Variants in CMIP observed in about 807,000 individuals in gnomAD.
CMIP encodes the protein C-Maf-inducing protein.
Under a neutral mutation model 97.3 loss-of-function variants are expected in CMIP, and 13 were observed. That is an observed-to-expected ratio of 0.13 (90% confidence interval 0.09 to 0.21). The LOEUF is 0.21. Among genes scored for constraint, CMIP ranks in the 10% least tolerant of loss-of-function variants. CMIP has a pLI of 1.00. For missense variants in CMIP, 847 were observed against 1,024.9 expected (o/e 0.83, Z 2.37); for synonymous variants, 538 against 436.3 (o/e 1.23, Z -2.91).
intron 7 of CMIP, chr16:81,665,994 G>C (rs2092598990): frequency 6.6e-6 from 1 of 152,140 alleles, no homozygotes; most frequent in Admixed American, 6.5e-5. Flanking sequence ...TCCTAGATTT[G>C]GGGTAAATTC....
chr16:81,562,410 C>A (rs921533416), intron 1 of CMIP, among the ~76,000 whole-genome samples: 2 of 152,248 alleles, frequency 1.3e-5, no homozygotes, highest in African/African-American at 4.8e-5. Flanking sequence ...ATCCCAGAAA[C>A]CACTGGCAAG....
chr16:81,593,758 C>A (rs114979319), intron 1 of CMIP, among the ~76,000 whole-genome samples: 2,435 of 152,272 alleles, frequency 0.016, 55 homozygotes, highest in African/African-American at 0.056. Flanking sequence ...TCTGCTTTCT[C>A]ACAGCTACAC....
At position 81,453,545 on chromosome 16, in the gene CMIP, C is replaced by T. The variant is rs548099853; in HGVS notation, c.300+8004C>T. The stretch of plus-strand genomic sequence containing the variant: ...AGACCCAGGCCTGGCTCTCCTCCCT[C>T]GCATGTTGGCTCCCTGTGTGGACTA... On this transcript the variant is annotated intron_variant, in intron 1 of 20. Transcript: ENST00000537098. The surrounding 1 kb of genome is among the most constrained non-coding windows in gnomAD (Gnocchi z 4.0). Among the ~76,000 whole-genome samples the T allele has an allele frequency of 5.3e-5, 8 of 152,326 alleles. No individual in the cohort carries two copies. Among genetic ancestry groups the T allele is most frequent in the South Asian group, 4.1e-4 (2 of 4,830 alleles).
intron 1 of CMIP, among the ~76,000 whole-genome samples, chr16:81,476,937 A>G (rs1597461118): frequency 1.3e-5 from 2 of 151,802 alleles, no homozygotes; most frequent in South Asian, 4.2e-4. Flanking sequence ...GAATGAAAAG[A>G]CCCCAGCCCC....
At position 81,556,606 on chromosome 16, in the gene CMIP, C is replaced by T. The variant is rs937604760; in HGVS notation, c.301-50961C>T. ...AACCACAGGTAGAAGGAAGGGGAGCCGGGAGTTGGTGTTCGATGGGGACAG... is the reference window on the plus strand; with the variant it reads ...AACCACAGGTAGAAGGAAGGGGAGCTGGGAGTTGGTGTTCGATGGGGACAG... On this transcript the variant is annotated intron_variant, in intron 1 of 20. Coordinates refer to ENST00000537098, the MANE Select transcript of CMIP (RefSeq NM_198390.3). 1.3e-4 allele frequency among the ~76,000 whole-genome samples: 20 copies of T among 152,156 alleles called. 1 individual carries two copies. Among genetic ancestry groups the T allele is most frequent in the Admixed American group, 9.2e-4 (14 of 15,286 alleles).
intron 3 of CMIP, among the ~76,000 whole-genome samples, chr16:81,639,824 G>A (rs2092282301): frequency 6.6e-6 from 1 of 152,168 alleles, no homozygotes. Context: ...CTCCGTTATT[G>A]GAATTCTAAG....
chr16:81,561,481 G>A (rs982758248), intron 1 of CMIP, among the ~76,000 whole-genome samples: 1 of 152,176 alleles, frequency 6.6e-6, no homozygotes, highest in Non-Finnish European at 1.5e-5. Flanking sequence ...CCCTGCAGCA[G>A]GAGTGAGGCT....
Position 81,541,386 on chromosome 16 carries a change from G to A in CMIP, c.301-66181G>A, listed in dbSNP as rs762208910. Reference sequence around the variant, plus strand: ...TTGGAGATGTGCACGGTGGAGCCGTGTAACCTGTAACTTTCAGTGGCAGAG... The same window carrying A: ...TTGGAGATGTGCACGGTGGAGCCGTATAACCTGTAACTTTCAGTGGCAGAG... On this transcript the variant is annotated intron_variant, in intron 1 of 20. Coordinates refer to ENST00000537098, the MANE Select transcript of CMIP (RefSeq NM_198390.3). Among the ~76,000 whole-genome samples the A allele has an allele frequency of 7.3e-4, 111 of 152,164 alleles. 1 individual carries two copies. The highest frequency in any genetic ancestry group is 8.7e-4 in the Non-Finnish European group (59 of 68,032).
chr16:81,578,389 C>T (rs909451732), intron 1 of CMIP, among the ~76,000 whole-genome samples: 9 of 152,238 alleles, frequency 5.9e-5, no homozygotes, highest in Admixed American at 1.3e-4. Flanking sequence ...TAATCTCTCC[C>T]TGGTCAATGG....
intron 1 of CMIP, among the ~76,000 whole-genome samples, chr16:81,446,196 G>A (rs1905831113): frequency 6.6e-6 from 1 of 152,002 alleles, no homozygotes; most frequent in South Asian, 2.1e-4. Flanking sequence ...CGGTGGTCGA[G>A]TTCTAGCCTA....
chr16:81,683,243 C>A (rs548174789), intron 10 of CMIP, among the ~76,000 whole-genome samples: 3 of 152,348 alleles, frequency 2.0e-5, no homozygotes, highest in African/African-American at 7.2e-5. Context: ...CCGTGGCCCA[C>A]TGGGGCCACA....
At chr16:81,594,094 TTCCTCCCCC>T (rs1252234790) in intron 1 of CMIP, among the ~76,000 whole-genome samples, 1 of 91,126 alleles carries the variant, frequency 1.1e-5, no homozygotes, top group African/African-American at 4.4e-5. Context: ...CCTCCTCCTC[TTCCTCCCCC>T]TCCTCCCCAT....
At chr16:81,546,306 C>G (rs773534086) in intron 1 of CMIP, among the ~76,000 whole-genome samples, 1 of 152,150 alleles carries the variant, frequency 6.6e-6, no homozygotes, top group Non-Finnish European at 1.5e-5. Context: ...AGAAGGATGC[C>G]TTGTTCGCCG....
Position 81,445,457 on chromosome 16 carries a change from C to T in CMIP, c.216C>T (p.Leu72=), listed in dbSNP as rs377472147. 8.3e-5 allele frequency: 131 copies of T among 1,574,364 alleles called. No homozygotes were observed. Among genetic ancestry groups the T allele is most frequent in the Non-Finnish European group, 1.1e-4 (123 of 1,160,082 alleles). ...TCATCCGGCACCCGCGGACCTTTCT[C>T]AGCAAGATCCTCACCTCGAAATTCC... ...VCVIRHPRTF[L]SKILTSKFLR... Residue 72 remains leucine, a synonymous_variant, in exon 1 of 21, where the codon CTC becomes CTT. Transcript: ENST00000537098.
intron 1 of CMIP, among the ~76,000 whole-genome samples, chr16:81,533,590 T>C (rs1326528869): frequency 6.6e-6 from 1 of 152,182 alleles, no homozygotes; most frequent in Non-Finnish European, 1.5e-5. Flanking sequence ...GCAGTTCTCC[T>C]GTCTCAGCCT....
chr16:81,655,625 G>C lies in CMIP; in HGVS notation c.640-2150G>C, dbSNP rs2092473341. On this transcript the variant is annotated intron_variant, in intron 4 of 20. Coordinates refer to ENST00000537098, the MANE Select transcript of CMIP (RefSeq NM_198390.3). This position sits in a 1 kb window ranked among gnomAD's most constrained non-coding sequence, Gnocchi z 4.9. ...GGAAATGATGTCCGTGGTCGCCAAAGCCTTCCTGGAAAGGTGCGTGGGTGG... is the reference window on the plus strand; with the variant it reads ...GGAAATGATGTCCGTGGTCGCCAAACCCTTCCTGGAAAGGTGCGTGGGTGG... 6.6e-6 allele frequency among the ~76,000 whole-genome samples: 1 copy of C among 152,206 alleles called. No individual in the cohort carries two copies. The highest frequency in any genetic ancestry group is 2.4e-5 in the African/African-American group (1 of 41,442).
intron 3 of CMIP, among the ~76,000 whole-genome samples, chr16:81,650,077 G>A (rs576607174): frequency 3.9e-5 from 6 of 152,318 alleles, no homozygotes; most frequent in South Asian, 2.1e-4. Flanking sequence ...GACTGGGTGC[G>A]TCTCATCGTT....
chr16:81,639,570 C>T lies in CMIP; in HGVS notation c.478-12633C>T, dbSNP rs185690345. ...CAAGGTTCATTCATAGTGTGGCCTG[C>T]GTCAGGATTTCCTTCCTTTTTAAGA... On this transcript the variant is annotated intron_variant, in intron 3 of 20. Transcript: ENST00000537098. Among the ~76,000 whole-genome samples, 82 of 152,308 alleles carry T rather than the reference C, an allele frequency of 5.4e-4. No homozygotes were observed. In the Middle Eastern group the frequency reaches 0.01, roughly 19 times the overall value.
chr16:81,636,506 A>C (rs1482165542), intron 3 of CMIP, among the ~76,000 whole-genome samples: 5 of 149,666 alleles, frequency 3.3e-5, no homozygotes, highest in Non-Finnish European at 7.4e-5. Context: ...GCTTGAACCC[A>C]GGGGGCAGAG....
Sources: gnomAD v4.1 joint callset for allele counts (sites outside exome capture counted in the v4.1 genomes callset) on GRCh38, gnomAD v4.1.1 for gene constraint, Gnocchi (gnomAD v3.1) non-coding constraint, MANE v1.5 for transcripts, NCBI Gene and HGNC (gene_info 2026-07-23, HGNC 2026-07-21) for gene names.